The following PTPRD variants were observed in gnomAD, a reference collection of about 807,000 sequenced individuals.
The protein encoded by PTPRD is protein tyrosine phosphatase receptor type D, also known as receptor-type tyrosine-protein phosphatase delta.
Under a neutral mutation model 214.5 loss-of-function variants are expected in PTPRD, and 34 were observed. The observed-to-expected ratio is 0.16, with a 90% CI of 0.12 to 0.21. The LOEUF (loss-of-function observed/expected upper bound fraction) is 0.21. Among genes scored for constraint, PTPRD ranks in the 10% least tolerant of loss-of-function variants. The pLI, the probability that PTPRD is intolerant of heterozygous loss-of-function variation, is 1.00. For synonymous variants in PTPRD, 1,128 were observed against 845.7 expected, an observed-to-expected ratio of 1.33 and a Z score of -5.79; for missense variants, 2,545 against 2,398.7, an observed-to-expected ratio of 1.06 and a Z score of -1.27.
intron 2 of PTPRD, among the ~76,000 whole-genome samples, chr9:10,541,534 TATA>T (rs2059108757): frequency 6.6e-6 from 1 of 151,826 alleles, no homozygotes; most frequent in South Asian, 2.1e-4. Context: ...CTTATCTCCT[TATA>T]TATATTTATA....
chr9:8,722,796 C>T (rs2098515463), intron 12 of PTPRD, among the ~76,000 whole-genome samples: 1 of 152,148 alleles, frequency 6.6e-6, no homozygotes, highest in Non-Finnish European at 1.5e-5. Flanking sequence ...AAACTATCAT[C>T]TGCTTTAAAA....
At chr9:8,824,208 C>G (rs1398092232) in intron 11 of PTPRD, among the ~76,000 whole-genome samples, 2 of 152,148 alleles carry the variant, frequency 1.3e-5, no homozygotes, top group Non-Finnish European at 2.9e-5. Context: ...GGGAATGCAG[C>G]CCAGTGGGTC....
chr9:9,222,923 A>G (rs1053987251), intron 9 of PTPRD, among the ~76,000 whole-genome samples: 3 of 152,070 alleles, frequency 2.0e-5, no homozygotes, highest in Non-Finnish European at 4.4e-5. Context: ...AACAATGCAG[A>G]TTAATAATGG....
intron 14 of PTPRD, among the ~76,000 whole-genome samples, chr9:8,557,453 T>TACAC (rs1005805525): frequency 2.2e-4 from 29 of 134,058 alleles, no homozygotes; most frequent in African/African-American, 8.7e-4. Flanking sequence ...TATATATATA[T>TACAC]ATATTTGGGC....
At chr9:8,406,961 G>C (rs540974302) in intron 35 of PTPRD, among the ~76,000 whole-genome samples, 5 of 152,260 alleles carry the variant, frequency 3.3e-5, no homozygotes, top group East Asian at 1.9e-4. Context: ...GTTTTACTTA[G>C]ACTAAGATCA....
intron 9 of PTPRD, among the ~76,000 whole-genome samples, chr9:9,272,817 A>G (rs1347990700): frequency 1.3e-5 from 2 of 151,246 alleles, no homozygotes; most frequent in Non-Finnish European, 3.0e-5. Context: ...ATGTTCTCCA[A>G]ACTCTGTGCC....
intron 3 of PTPRD, among the ~76,000 whole-genome samples, chr9:10,057,131 G>A (rs956040102): frequency 6.6e-6 from 1 of 152,004 alleles, no homozygotes; most frequent in Non-Finnish European, 1.5e-5. Flanking sequence ...AAATTTTCCT[G>A]GATTTAATTT....
chr9:10,264,550 G>A (rs965559150), intron 3 of PTPRD, among the ~76,000 whole-genome samples: 1 of 152,134 alleles, frequency 6.6e-6, no homozygotes, highest in Admixed American at 6.6e-5. Flanking sequence ...CTCCCATTTG[G>A]AACAGCTGTA....
chr9:9,558,103 C>A (rs964187200), intron 8 of PTPRD, among the ~76,000 whole-genome samples: 10 of 152,072 alleles, frequency 6.6e-5, no homozygotes, highest in Non-Finnish European at 1.3e-4. Flanking sequence ...TGTCCATCTG[C>A]AAGATGGACA....
chr9:10,045,424 A>T (rs1030224643), intron 3 of PTPRD, among the ~76,000 whole-genome samples: 28 of 151,652 alleles, frequency 1.8e-4, no homozygotes, highest in Non-Finnish European at 7.4e-5. Context: ...ATCTGTACTT[A>T]ATCTGAATGA....
intron 8 of PTPRD, among the ~76,000 whole-genome samples, chr9:9,407,611 G>C (rs1329308185): frequency 6.6e-6 from 1 of 151,640 alleles, no homozygotes; most frequent in Non-Finnish European, 1.5e-5. Context: ...AGAATATAGA[G>C]TCAAAAAGCC....
intron 2 of PTPRD, among the ~76,000 whole-genome samples, chr9:10,492,968 A>G (rs1474807716): frequency 1.3e-5 from 2 of 152,176 alleles, no homozygotes; most frequent in Admixed American, 6.6e-5. Flanking sequence ...ATAGACAAAT[A>G]GCCACATAAT....
chr9:8,715,572 A>C lies in PTPRD; in HGVS notation c.64+18208T>G, dbSNP rs2098423038. 2.0e-5 allele frequency among the ~76,000 whole-genome samples: 3 copies of C among 152,218 alleles called. No individual in the cohort carries two copies. The South Asian group carries it at 6.2e-4, about 32-fold the overall frequency. ...TTTGAACTCAGATCATTTTATTTAA[A>C]AACCAATGCTCTTCCCACCACACCA... On this transcript the variant is annotated intron_variant, in intron 12 of 45. Coordinates refer to ENST00000381196, the MANE Select transcript of PTPRD (RefSeq NM_002839.4).
In PTPRD at chr9:10,560,618, A is replaced by C. The variant is rs116678381; in HGVS notation, c.-600+51780T>G. Among the ~76,000 whole-genome samples the C allele has an allele frequency of 8.2e-4, 124 of 151,658 alleles. 1 individual carries two copies. Among genetic ancestry groups the C allele is most frequent in the African/African-American group, 2.8e-3 (115 of 41,332 alleles). ...ATGAAGGTTGATGTCCAGTTTAATC[A>C]AATATGGAGTAAGAATAAGAGAATC... On this transcript the variant is annotated intron_variant, in intron 2 of 45. Coordinates refer to ENST00000381196, the MANE Select transcript of PTPRD (RefSeq NM_002839.4).
At chr9:9,964,240 A>T (rs1212436136) in intron 4 of PTPRD, among the ~76,000 whole-genome samples, 1 of 152,214 alleles carries the variant, frequency 6.6e-6, no homozygotes, top group East Asian at 1.9e-4. Context: ...GAGTGAGGGA[A>T]TCATCTATCA....
At chr9:9,124,297 T>C (rs1380516756) in intron 10 of PTPRD, among the ~76,000 whole-genome samples, 5 of 152,220 alleles carry the variant, frequency 3.3e-5, no homozygotes, top group African/African-American at 4.8e-5. Context: ...GTTACTTACA[T>C]ATATTAGTAA....
chr9:8,444,364 T>C (rs1053123482), intron 34 of PTPRD, among the ~76,000 whole-genome samples: 3 of 152,140 alleles, frequency 2.0e-5, no homozygotes, highest in East Asian at 1.9e-4. Flanking sequence ...TGTGTATACA[T>C]ACATGACATA....
chr9:8,333,095 G>C (rs907804925), intron 43 of PTPRD, among the ~76,000 whole-genome samples: 4 of 152,082 alleles, frequency 2.6e-5, no homozygotes, highest in African/African-American at 9.7e-5. Flanking sequence ...TGTTATTTGG[G>C]GATGGAGATA....
intron 2 of PTPRD, among the ~76,000 whole-genome samples, chr9:10,534,133 G>T (rs910518545): frequency 6.6e-6 from 1 of 151,732 alleles, no homozygotes; most frequent in African/African-American, 2.4e-5. Context: ...ATCATTGTCA[G>T]GTTGTTTAAG....
Sources: allele counts gnomAD v4.1 joint callset (sites outside exome capture counted in the v4.1 genomes callset), GRCh38; gene constraint gnomAD v4.1.1; transcripts MANE v1.5; gene names NCBI Gene and HGNC (gene_info 2026-07-23, HGNC 2026-07-21).